Variants in ZHX2 observed in about 807,000 individuals in gnomAD.
The protein encoded by ZHX2 is zinc fingers and homeoboxes 2, also known as zinc fingers and homeoboxes protein 2.
In ZHX2, 6 loss-of-function variants were observed where a neutral mutation model predicts 21.9. The ratio of observed to expected loss-of-function variants is 0.27; its 90% CI spans 0.15 to 0.54. The LOEUF is 0.54. ZHX2 is among the 20% of genes least tolerant of loss of function. The probability of loss-of-function intolerance (pLI) is 0.95; values close to 1 mark genes in which losing one functional copy is unlikely to be tolerated. For synonymous variants in ZHX2, 434 were observed against 437.1 expected (o/e 0.99, Z 0.09); for missense variants, 908 against 1,090.7 (o/e 0.83, Z 2.36).
intron 3 of ZHX2, among the ~76,000 whole-genome samples, chr8:122,959,348 A>T (rs1813385180): frequency 6.6e-6 from 1 of 152,250 alleles, no homozygotes; most frequent in East Asian, 1.9e-4. Flanking sequence ...ATGCCCTCAC[A>T]CTCTGTTCAG....
chr8:122,949,112 G>T (rs939858049), intron 2 of ZHX2, among the ~76,000 whole-genome samples: 2 of 151,910 alleles, frequency 1.3e-5, no homozygotes, highest in African/African-American at 4.8e-5. Flanking sequence ...ATCACCTGAG[G>T]TTAGGAGTTT....
At chr8:122,780,840 C>G (rs771476615), upstream of ZHX2, 1 of 152,202 alleles carries the variant, frequency 6.6e-6, no homozygotes, top group African/African-American at 2.4e-5. Flanking sequence ...AACTCGGGCT[C>G]TACCAGAGTT....
intron 1 of ZHX2, among the ~76,000 whole-genome samples, chr8:122,790,688 A>T (rs111326621): frequency 0.049 from 7,485 of 151,938 alleles, 265 homozygotes; most frequent in Non-Finnish European, 0.074. Context: ...GCTCATTGCA[A>T]CCTCCGCCTC....
chr8:122,953,794 G>T lies in ZHX2; in HGVS notation c.2284G>T (p.Ala762Ser). Residue 762 changes from alanine (A) to serine (S), a missense_variant, in exon 3 of 4, where the codon GCA (alanine) becomes TCA (serine). Around this residue, in one of 4 missense-constraint regions of ZHX2, gnomAD observed 431 missense variants for 428.6 expected, o/e 1.01. Transcript: ENST00000314393. This position sits in a 1 kb window ranked among gnomAD's most constrained non-coding sequence, Gnocchi z 4.6. ...GSEPAKDCLP[A>S]KPSEATSDRS... ...CGAGCCAGCAAAAGACTGTTTGCCA[G>T]CAAAGCCCTCAGAGGCCACCTCAGA... is the stretch of plus-strand genomic sequence containing the variant. 1 of 1,614,246 alleles carries T rather than the reference G, an allele frequency of 6.2e-7. No individual in the cohort carries two copies. Among genetic ancestry groups the T allele is most frequent in the East Asian group, 2.2e-5 (1 of 44,886 alleles).
intron 2 of ZHX2, among the ~76,000 whole-genome samples, chr8:122,878,726 G>T (rs1023700140): frequency 6.6e-6 from 1 of 152,154 alleles, no homozygotes; most frequent in Non-Finnish European, 1.5e-5. Flanking sequence ...GGAATACAGG[G>T]AACAGTAAAG....
chr8:122,816,467 GAC>G (rs1266601732), intron 1 of ZHX2: 2 of 128,564 alleles, frequency 1.6e-5, no homozygotes, highest in Non-Finnish European at 3.2e-5. Flanking sequence ...TTTTTTTTGA[GAC>G]AGAGTCTTGC....
chr8:122,795,544 G>T (rs1170104613), intron 1 of ZHX2, among the ~76,000 whole-genome samples: 1 of 138,382 alleles, frequency 7.2e-6, no homozygotes, highest in East Asian at 2.0e-4. Context: ...ACTTCCAATA[G>T]TAAACTTTTT....
intron 1 of ZHX2, among the ~76,000 whole-genome samples, chr8:122,795,389 G>A (rs537367420): frequency 5.4e-4 from 83 of 152,358 alleles, no homozygotes; most frequent in Non-Finnish European, 1.1e-3. Flanking sequence ...CCCTTGTCTG[G>A]ACATCTGGCC....
At chr8:122,829,677 A>C (rs1460049898) in intron 1 of ZHX2, among the ~76,000 whole-genome samples, 1 of 152,244 alleles carries the variant, frequency 6.6e-6, no homozygotes, top group Admixed American at 6.5e-5. Context: ...ATACACAAGC[A>C]AGTTTCTGTG....
chr8:122,804,216 C>T (rs1817779451), intron 1 of ZHX2, among the ~76,000 whole-genome samples: 1 of 152,160 alleles, frequency 6.6e-6, no homozygotes, highest in Admixed American at 6.5e-5. Context: ...TCAAGTGATT[C>T]TCCTGCCTCA....
intron 2 of ZHX2, among the ~76,000 whole-genome samples, chr8:122,880,174 A>G (rs1251858713): frequency 6.6e-6 from 1 of 151,786 alleles, no homozygotes; most frequent in African/African-American, 2.4e-5. Flanking sequence ...GGGTTTCACC[A>G]TGTTGGCCAG....
intron 2 of ZHX2, among the ~76,000 whole-genome samples, chr8:122,881,185 C>T (rs1280519202): frequency 1.3e-5 from 2 of 152,230 alleles, no homozygotes; most frequent in African/African-American, 2.4e-5. Context: ...CATCCTGAGG[C>T]ATCAGTACCT....
rs1349015493 is a variant in ZHX2, at chr8:122,850,652, A to T, written c.-282-12825A>T. 4.6e-5 allele frequency among the ~76,000 whole-genome samples: 7 copies of T among 151,446 alleles called. No individual in the cohort carries two copies. The South Asian group carries it at 1.3e-3, about 27-fold the overall frequency. ...GAGACTCTGTCTCAAAAAAAAAAAA[A>T]AAAAAATGCCACCACTACCTCCCAC... On this transcript the variant is annotated intron_variant, in intron 1 of 3. Transcript: ENST00000314393.
chr8:122,931,206 A>G (rs1820983259), intron 2 of ZHX2, among the ~76,000 whole-genome samples: 1 of 152,126 alleles, frequency 6.6e-6, no homozygotes, highest in Admixed American at 6.5e-5. Context: ...TTGTGTTAGG[A>G]CACAGTCGTG....
intron 1 of ZHX2, among the ~76,000 whole-genome samples, chr8:122,853,904 C>A (rs1387746076): frequency 6.6e-6 from 1 of 152,192 alleles, no homozygotes; most frequent in African/African-American, 2.4e-5. Flanking sequence ...CACCTAAGGG[C>A]ATCTGATGAC....
At chr8:122,793,606 A>G (rs886721007) in intron 1 of ZHX2, among the ~76,000 whole-genome samples, 2 of 152,206 alleles carry the variant, frequency 1.3e-5, no homozygotes, top group Non-Finnish European at 2.9e-5. Flanking sequence ...GGTTCAGTTC[A>G]GGGAAGGGAG....
chr8:122,960,907 C>T (rs745603075), intron 3 of ZHX2, among the ~76,000 whole-genome samples: 1 of 152,208 alleles, frequency 6.6e-6, no homozygotes, highest in Non-Finnish European at 1.5e-5. Flanking sequence ...AACCAACTTG[C>T]AAATGTCCTG....
At chr8:122,860,076 G>A (rs139835498) in intron 1 of ZHX2, among the ~76,000 whole-genome samples, 2,258 of 152,284 alleles carry the variant, frequency 0.015, 48 homozygotes, top group African/African-American at 0.051. Flanking sequence ...GGCTGGGGAG[G>A]CCTCAGGAAA....
chr8:122,871,423 C>T (rs1033975311), intron 2 of ZHX2, among the ~76,000 whole-genome samples: 7 of 150,052 alleles, frequency 4.7e-5, no homozygotes, highest in African/African-American at 1.7e-4. Flanking sequence ...CAAACTATCG[C>T]AAGGACAAAA....
Sources: gnomAD v4.1 joint callset for allele counts (sites outside exome capture counted in the v4.1 genomes callset) on GRCh38, gnomAD v4.1.1 for gene constraint, gnomAD v4.1.1 regional missense constraint, Gnocchi (gnomAD v3.1) non-coding constraint, MANE v1.5 for transcripts, NCBI Gene and HGNC (gene_info 2026-07-23, HGNC 2026-07-21) for gene names.